TMCO6: variants seen among roughly 807,000 people sequenced by gnomAD.
The protein encoded by TMCO6 is transmembrane and coiled-coil domains 6.
Under a neutral mutation model 61.8 loss-of-function variants are expected in TMCO6, and 47 were observed. The observed-to-expected ratio is 0.76, with a 90% CI of 0.60 to 0.97. TMCO6 has a LOEUF of 0.97. TMCO6 is among the 50% of genes least tolerant of loss of function. The pLI is 0.00. For missense variants in TMCO6, 557 were observed against 601.6 expected, an observed-to-expected ratio of 0.93 and a Z score of 0.78; for synonymous variants, 261 against 254.2, an observed-to-expected ratio of 1.03 and a Z score of -0.25.
the TMCO6 span, among the ~76,000 whole-genome samples, chr5:140,629,453 T>C: frequency 3.3e-5 from 5 of 152,208 alleles, no homozygotes; most frequent in Admixed American, 3.3e-4. Flanking sequence ...TACTATATTG[T>C]TTAGGGAATC....
chr5:140,630,598 G>C, the TMCO6 span, among the ~76,000 whole-genome samples: 1 of 152,152 alleles, frequency 6.6e-6, no homozygotes, highest in South Asian at 2.1e-4. Flanking sequence ...GATGAAGTGT[G>C]ATCAGAGCTA....
the TMCO6 span, among the ~76,000 whole-genome samples, chr5:140,607,574 G>A: frequency 6.6e-6 from 1 of 151,944 alleles, no homozygotes; most frequent in Non-Finnish European, 1.5e-5. Flanking sequence ...ACAATTATTG[G>A]ATTATATGGT....
chr5:140,641,616 C>G (rs752049060), intron 2 of TMCO6, 49 bp from the exon 3 acceptor site: 2 of 1,548,614 alleles, frequency 1.3e-6, no homozygotes, highest in Middle Eastern at 2.2e-4. Context: ...AGACTTAGGA[C>G]TTGCTTTCTG....
At chr5:140,643,215 G>A in intron 7 of TMCO6, 174 bp downstream of exon 7, 1 of 884,650 alleles carries the variant, frequency 1.1e-6, no homozygotes. Flanking sequence ...TTTTTTTTGA[G>A]ACAGTCTCAC....
At position 140,641,650 on chromosome 5, in the gene TMCO6, T is replaced by A. The variant is rs1757036790; in HGVS notation, c.199-15T>A. The A allele has an allele frequency of 6.2e-7, 1 of 1,611,348 alleles. No homozygotes were observed. The highest frequency in any genetic ancestry group is 1.3e-5 in the African/African-American group (1 of 74,880). Reference sequence around the variant, plus strand: ...TGTGAACCGTGTGTTCTCCTTTCCCTGCCCTGAACTCCAGGTGCAGCAGTT... The same window carrying A: ...TGTGAACCGTGTGTTCTCCTTTCCCAGCCCTGAACTCCAGGTGCAGCAGTT... On this transcript the variant is annotated splice_polypyrimidine_tract_variant and intron_variant, in intron 2 of 11. Transcript: ENST00000394671.
In TMCO6 at chr5:140,643,761, C is replaced by A. The variant is rs1757198523; in HGVS notation, c.919-19C>A. The A allele has an allele frequency of 6.2e-7, 1 of 1,611,644 alleles. No homozygotes were observed. Among genetic ancestry groups the A allele is most frequent in the African/African-American group, 1.3e-5 (1 of 74,866 alleles). ...AACCTCTTCCTTCTTACACCTGACCCCCCAATTTGTCTTTGCAGCTGGCAT... is the reference window on the plus strand; with the variant it reads ...AACCTCTTCCTTCTTACACCTGACCACCCAATTTGTCTTTGCAGCTGGCAT... On this transcript the variant is annotated intron_variant, in intron 8 of 11. Transcript: ENST00000394671.
the TMCO6 span, among the ~76,000 whole-genome samples, chr5:140,613,054 T>C: frequency 6.6e-6 from 1 of 152,096 alleles, no homozygotes; most frequent in East Asian, 1.9e-4. Context: ...CTGATAGAGA[T>C]AAATGCTGTG....
chr5:140,642,768 T>C (rs1000607369), intron 6 of TMCO6, 97 bp downstream of exon 6: 18 of 1,581,830 alleles, frequency 1.1e-5, no homozygotes, highest in African/African-American at 2.7e-5. Flanking sequence ...TTGCACATTT[T>C]AAATTCATGT....
chr5:140,621,442 C>G, the TMCO6 span, among the ~76,000 whole-genome samples: 1 of 152,114 alleles, frequency 6.6e-6, no homozygotes, highest in African/African-American at 2.4e-5. Context: ...CAGTCAATAC[C>G]CTTGTGATTT....
At chr5:140,612,208 A>G in the TMCO6 span, among the ~76,000 whole-genome samples, 1 of 152,204 alleles carries the variant, frequency 6.6e-6, no homozygotes, top group South Asian at 2.1e-4. Flanking sequence ...CAACCATCCG[A>G]CCACAAAGTG....
Position 140,644,140 on chromosome 5 carries a change from T to C in TMCO6, c.1146T>C (p.Asp382=), listed in dbSNP as rs768494517. The change falls in exon 10 of 12, where the codon GAT becomes GAC. Residue 382 remains aspartate, a synonymous_variant. Coordinates refer to ENST00000394671, the MANE Select transcript of TMCO6 (RefSeq NM_018502.5). ...PSFCTSLLSL[D]LIEPLLQLLP... ...TCTGTACCTCCTTGCTCTCCCTGGA[T>C]CTGATTGAGCCTCTCTTACAGCTGT... 3.1e-6 allele frequency: 5 copies of C among 1,614,194 alleles called. No individual in the cohort carries two copies. In the East Asian group the frequency reaches 1.1e-4, roughly 36 times the overall value.
chr5:140,606,990 A>G, the TMCO6 span, among the ~76,000 whole-genome samples: 1 of 124,792 alleles, frequency 8.0e-6, no homozygotes, highest in Non-Finnish European at 1.7e-5. Context: ...TTTAAAAAGT[A>G]AAAAAAAAAA....
the TMCO6 span, chr5:140,633,012 A>T: frequency 1.2e-6 from 2 of 1,614,090 alleles, no homozygotes; most frequent in East Asian, 4.5e-5. Flanking sequence ...AGGAGGCCCC[A>T]TCCAACCCCT....
chr5:140,639,841 G>C lies in TMCO6; in HGVS notation c.188G>C (p.Gly63Ala). Reference sequence around the variant, plus strand: ...GAGGGATGTGTGGCTGCGATCCTCGGGGAAACCGAGGTGAGGGGGCAAGGT... The same window carrying C: ...GAGGGATGTGTGGCTGCGATCCTCGCGGAAACCGAGGTGAGGGGGCAAGGT... ...AGEGCVAAIL[G>A]ETEVQQFLRQ... is the part of the protein sequence containing the mutation. Residue 63 changes from glycine to alanine, a missense_variant, in exon 2 of 12, where the codon GGG becomes GCG. By Grantham distance (60) the Gly-to-Ala change is moderately conservative (BLOSUM62 0). Transcript: ENST00000394671. 1 of 1,604,898 alleles carries C rather than the reference G, an allele frequency of 6.2e-7. No homozygotes were observed. The highest frequency in any genetic ancestry group is 8.5e-7 in the Non-Finnish European group (1 of 1,176,646).
the TMCO6 span, among the ~76,000 whole-genome samples, chr5:140,602,855 A>G: frequency 1.0e-3 from 152 of 152,206 alleles, 1 homozygote; most frequent in African/African-American, 3.4e-3. Context: ...CACGCCTGTA[A>G]TCCCAGCACT....
chr5:140,622,307 G>A, the TMCO6 span, among the ~76,000 whole-genome samples: 2 of 152,120 alleles, frequency 1.3e-5, no homozygotes, highest in East Asian at 3.9e-4. Flanking sequence ...CAGATTCCCC[G>A]ATACCTCCCC....
At chr5:140,598,506 G>GT in the TMCO6 span, among the ~76,000 whole-genome samples, 1 of 152,342 alleles carries the variant, frequency 6.6e-6, no homozygotes, top group Non-Finnish European at 1.5e-5. Flanking sequence ...ATCATGGGCT[G>GT]TAAAGTGTGA....
the TMCO6 span, among the ~76,000 whole-genome samples, chr5:140,611,267 A>G: frequency 6.6e-6 from 1 of 152,002 alleles, no homozygotes. Context: ...GTTCCCATAC[A>G]TCTTCCTGCA....
chr5:140,604,594 CT>C, the TMCO6 span, among the ~76,000 whole-genome samples: 8 of 151,656 alleles, frequency 5.3e-5, no homozygotes, highest in South Asian at 2.1e-4. Context: ...CAATTTATCA[CT>C]TTTTTTTGTT....
Sources: allele counts gnomAD v4.1 joint callset (sites outside exome capture counted in the v4.1 genomes callset), GRCh38; gene constraint gnomAD v4.1.1; transcripts MANE v1.5; gene names NCBI Gene and HGNC (gene_info 2026-07-23, HGNC 2026-07-21).